Variants in RAB33A observed in about 807,000 individuals in gnomAD.
The protein encoded by RAB33A is ras-related protein Rab-33A.
A neutral mutation model predicts 12.0 loss-of-function variants in RAB33A; 6 were observed. The observed-to-expected ratio is 0.50, with a 90% CI of 0.27 to 0.99. RAB33A has a LOEUF of 0.99. Among genes scored for constraint, RAB33A ranks in the 50% least tolerant of loss-of-function variants. The pLI, the probability that RAB33A is intolerant of heterozygous loss-of-function variation, is 0.11. For missense variants in RAB33A, 109 were observed against 192.0 expected (o/e 0.57, Z 2.55); for synonymous variants, 70 against 82.4 (o/e 0.85, Z 0.81).
chrX:130,129,864 T>C, the RAB33A span: 1 of 1,011,611 alleles, frequency 9.9e-7, no homozygotes, highest in Non-Finnish European at 1.4e-6. Flanking sequence ...CAGGCACAAT[T>C]TGACCTGGCC....
the RAB33A span, among the ~76,000 whole-genome samples, chrX:130,133,788 T>G: frequency 9.2e-6 from 1 of 109,054 alleles, no homozygotes; most frequent in African/African-American, 3.3e-5. Context: ...CCACCATGCC[T>G]GGCTAAATTT....
At chrX:130,133,343 G>A in the RAB33A span, 1 of 1,211,508 alleles carries the variant, frequency 8.3e-7, no homozygotes, top group Non-Finnish European at 1.1e-6. Context: ...GTACGGCTTA[G>A]CAGCTCCAGT....
At chrX:130,130,627 T>A in the RAB33A span, among the ~76,000 whole-genome samples, 4 of 112,781 alleles carry the variant, frequency 3.5e-5, no homozygotes, top group East Asian at 1.1e-3. Context: ...CCATGTTTCA[T>A]GAGCTCAAAA....
chrX:130,132,540 C>A, the RAB33A span, among the ~76,000 whole-genome samples: 4 of 112,084 alleles, frequency 3.6e-5, no homozygotes, highest in Non-Finnish European at 7.5e-5. Context: ...CCCTTAGCCT[C>A]CACTTTTCTT....
chrX:130,134,924 T>C, the RAB33A span, among the ~76,000 whole-genome samples: 1 of 111,389 alleles, frequency 9.0e-6, no homozygotes, highest in Admixed American at 9.6e-5. Context: ...AGCAGAATAT[T>C]ATATATAGTA....
chrX:130,178,893 C>T (rs1450355642), intron 1 of RAB33A, among the ~76,000 whole-genome samples: 3 of 108,175 alleles, frequency 2.8e-5, no homozygotes, highest in African/African-American at 1.0e-4. Flanking sequence ...ACCTTGTGAT[C>T]CACCTGCCTC....
the RAB33A span, among the ~76,000 whole-genome samples, chrX:130,117,967 G>A: frequency 8.9e-6 from 1 of 112,306 alleles, no homozygotes; most frequent in African/African-American, 3.2e-5. Context: ...AGGTTTTGCC[G>A]GAGTGAGCAC....
chrX:130,132,742 C>CTTTTT, the RAB33A span, among the ~76,000 whole-genome samples: 1 of 69,885 alleles, frequency 1.4e-5, no homozygotes, highest in Non-Finnish European at 2.6e-5. Context: ...TCTGACACTC[C>CTTTTT]TTTTTTTTTT....
At chrX:130,169,080 C>T (rs1200884140), upstream of RAB33A, among the ~76,000 whole-genome samples, 2 of 108,936 alleles carry the variant, frequency 1.8e-5, no homozygotes, top group African/African-American at 6.7e-5. Flanking sequence ...TGGTGGCGGG[C>T]GCCTGTAGTC....
chrX:130,146,275 A>T, the RAB33A span, among the ~76,000 whole-genome samples: 1 of 109,971 alleles, frequency 9.1e-6, no homozygotes, highest in Non-Finnish European at 1.9e-5. Context: ...TCGTCTCTAG[A>T]AAAAAATTTT....
At chrX:130,139,637 G>C in the RAB33A span, among the ~76,000 whole-genome samples, 1 of 111,166 alleles carries the variant, frequency 9.0e-6, no homozygotes, top group Non-Finnish European at 1.9e-5. Flanking sequence ...CTGAGGTGCA[G>C]AGAGAGGAAG....
At chrX:130,169,342 G>A (rs2031581128), upstream of RAB33A, among the ~76,000 whole-genome samples, 1 of 110,997 alleles carries the variant, frequency 9.0e-6, no homozygotes, top group Admixed American at 9.6e-5. Context: ...TAAATACAAA[G>A]TTAATTATAT....
chrX:130,112,063 G>A, the RAB33A span, among the ~76,000 whole-genome samples: 40 of 111,817 alleles, frequency 3.6e-4, no homozygotes, highest in Admixed American at 3.3e-3. Context: ...CTCCTGCCTT[G>A]GGAAAGGATC....
chrX:130,171,730 G>A (rs1047660099), upstream of RAB33A: 2 of 260,691 alleles, frequency 7.7e-6, no homozygotes. Context: ...AGGGTCCTTC[G>A]CCAGAGCATC....
the RAB33A span, among the ~76,000 whole-genome samples, chrX:130,121,418 CTT>C: frequency 9.1e-6 from 1 of 109,765 alleles, no homozygotes; most frequent in African/African-American, 3.3e-5. Flanking sequence ...GCCCAGCTAA[CTT>C]TTGCATTTTT....
At chrX:130,116,179 C>A in the RAB33A span, among the ~76,000 whole-genome samples, 1 of 102,470 alleles carries the variant, frequency 9.8e-6, no homozygotes, top group Non-Finnish European at 2.0e-5. Context: ...GATCTCAGCT[C>A]ACTGCAACTT....
At chrX:130,167,795 G>C (rs1036917406), upstream of RAB33A, among the ~76,000 whole-genome samples, 2 of 111,110 alleles carry the variant, frequency 1.8e-5, no homozygotes, top group Non-Finnish European at 3.8e-5. Context: ...TATGGTGGGG[G>C]GCCAGATTTG....
the RAB33A span, among the ~76,000 whole-genome samples, chrX:130,162,524 G>A: frequency 8.9e-6 from 1 of 112,170 alleles, no homozygotes; most frequent in East Asian, 2.8e-4. Flanking sequence ...TCTAGAAAAT[G>A]TAACTTATTA....
At chrX:130,168,124 C>A (rs916944401), upstream of RAB33A, among the ~76,000 whole-genome samples, 2 of 109,687 alleles carry the variant, frequency 1.8e-5, no homozygotes, top group Non-Finnish European at 3.8e-5. Context: ...CTGCAGTGAG[C>A]AGTGATTGCT....
Sources: allele counts gnomAD v4.1 joint callset (sites outside exome capture counted in the v4.1 genomes callset), GRCh38; gene constraint gnomAD v4.1.1; transcripts MANE v1.5; gene names NCBI Gene and HGNC (gene_info 2026-07-23, HGNC 2026-07-21).